The following GPR158 variants were observed in gnomAD, a reference collection of about 807,000 sequenced individuals.
GPR158 encodes metabotropic glycine receptor.
A neutral mutation model predicts 78.2 loss-of-function variants in GPR158; 30 were observed. The observed-to-expected ratio is 0.38, with a 90% CI of 0.29 to 0.52. The LOEUF is 0.52. Among genes scored for constraint, GPR158 ranks in the 20% least tolerant of loss-of-function variants. The pLI, the probability that GPR158 is intolerant of heterozygous loss-of-function variation, is 0.83. For missense variants in GPR158, 1,463 were observed against 1,523.5 expected (o/e 0.96, Z 0.66); for synonymous variants, 581 against 591.1 (o/e 0.98, Z 0.25).
At chr10:25,497,642 C>G (rs1039198243) in intron 5 of GPR158, among the ~76,000 whole-genome samples, 14 of 151,846 alleles carry the variant, frequency 9.2e-5, no homozygotes, top group African/African-American at 3.1e-4. Flanking sequence ...TTTCATTTAT[C>G]CATTCATGAG....
intron 2 of GPR158, among the ~76,000 whole-genome samples, chr10:25,295,585 T>C (rs1316765103): frequency 6.6e-6 from 1 of 152,076 alleles, no homozygotes; most frequent in Non-Finnish European, 1.5e-5. Context: ...GGCTAATTTT[T>C]TGTATTTTTA....
intron 3 of GPR158, among the ~76,000 whole-genome samples, chr10:25,396,492 T>G (rs1834364318): frequency 6.6e-6 from 1 of 152,130 alleles, no homozygotes; most frequent in Non-Finnish European, 1.5e-5. Context: ...AACTCAAGGT[T>G]TCACCACTCT....
At chr10:25,423,892 A>G (rs1834786420) in intron 4 of GPR158, among the ~76,000 whole-genome samples, 2 of 152,202 alleles carry the variant, frequency 1.3e-5, no homozygotes, top group Admixed American at 1.3e-4. Flanking sequence ...TCCTTTGGGT[A>G]TATACCCAGT....
intron 2 of GPR158, among the ~76,000 whole-genome samples, chr10:25,378,993 G>A (rs1025374993): frequency 2.0e-5 from 3 of 151,972 alleles, no homozygotes; most frequent in African/African-American, 4.8e-5. Context: ...GTCTCACCGT[G>A]TTGCCCAGGC....
chr10:25,269,394 G>T (rs1267007889), intron 2 of GPR158, among the ~76,000 whole-genome samples: 1 of 152,164 alleles, frequency 6.6e-6, no homozygotes, highest in Non-Finnish European at 1.5e-5. Flanking sequence ...ATGGTAAAAT[G>T]AATTTGAAAA....
intron 2 of GPR158, among the ~76,000 whole-genome samples, chr10:25,267,360 A>G (rs1168038051): frequency 6.6e-6 from 1 of 152,120 alleles, no homozygotes; most frequent in African/African-American, 2.4e-5. Flanking sequence ...ATCAGTGTCC[A>G]GTGAAGGGGA....
At chr10:25,382,830 T>A (rs1834173810) in intron 2 of GPR158, among the ~76,000 whole-genome samples, 1 of 151,984 alleles carries the variant, frequency 6.6e-6, no homozygotes, top group Admixed American at 6.6e-5. Context: ...TTTATTTTAT[T>A]TTTATTTATT....
chr10:25,280,009 A>T (rs1854246189), intron 2 of GPR158, among the ~76,000 whole-genome samples: 1 of 152,016 alleles, frequency 6.6e-6, no homozygotes, highest in Non-Finnish European at 1.5e-5. Context: ...TATGAATTAG[A>T]GGAGAAAAAT....
intron 6 of GPR158, among the ~76,000 whole-genome samples, chr10:25,554,994 CTATT>C (rs1836768644): frequency 7.0e-6 from 1 of 142,582 alleles, no homozygotes; most frequent in African/African-American, 2.6e-5. Flanking sequence ...AAAGCTGAAA[CTATT>C]TGAGAGAGAG....
intron 2 of GPR158, among the ~76,000 whole-genome samples, chr10:25,300,389 CT>C (rs796587651): frequency 3.7e-4 from 57 of 152,284 alleles, no homozygotes; most frequent in African/African-American, 1.2e-3. Context: ...TTCAAGAACA[CT>C]TGTGATTATA....
chr10:25,311,647 C>A lies in GPR158; in HGVS notation c.1009-84264C>A, dbSNP rs140115926. ...TCTAATGCTCGAATTCAGCATTTCT[C>A]ATACTTTTTGGTCTCAAGACTTCCT... On this transcript the variant is annotated intron_variant, in intron 2 of 10. Transcript: ENST00000376351. Among the ~76,000 whole-genome samples the A allele has an allele frequency of 2.9e-3, 446 of 152,076 alleles. 1 individual carries two copies. Among genetic ancestry groups the A allele is most frequent in the Non-Finnish European group, 4.1e-3 (279 of 67,862 alleles).
At chr10:25,340,667 C>A (rs1855289954) in intron 2 of GPR158, among the ~76,000 whole-genome samples, 1 of 151,886 alleles carries the variant, frequency 6.6e-6, no homozygotes, top group Non-Finnish European at 1.5e-5. Context: ...TCAGAAGAAA[C>A]TATTTACTAG....
intron 2 of GPR158, among the ~76,000 whole-genome samples, chr10:25,312,299 A>G (rs779442897): frequency 6.6e-5 from 10 of 152,088 alleles, no homozygotes; most frequent in Non-Finnish European, 1.5e-4. Context: ...TCACCGAGTT[A>G]TGTAGATATT....
At chr10:25,307,854 A>G (rs1353728483) in intron 2 of GPR158, among the ~76,000 whole-genome samples, 8 of 152,118 alleles carry the variant, frequency 5.3e-5, no homozygotes, top group South Asian at 4.1e-4. Flanking sequence ...CATTGTTCTA[A>G]ATAACCTTGT....
At chr10:25,496,141 T>C (rs1054159608) in intron 5 of GPR158, among the ~76,000 whole-genome samples, 2 of 152,206 alleles carry the variant, frequency 1.3e-5, no homozygotes, top group African/African-American at 4.8e-5. Flanking sequence ...TAATGTCCTC[T>C]ATTACACTTG....
chr10:25,381,471 TTAA>T (rs1427557331), intron 2 of GPR158, among the ~76,000 whole-genome samples: 2 of 152,108 alleles, frequency 1.3e-5, no homozygotes, highest in South Asian at 2.1e-4. Context: ...TTGTGCACAG[TTAA>T]TAATGAGGAA....
intron 2 of GPR158, among the ~76,000 whole-genome samples, chr10:25,289,812 A>G (rs1246642103): frequency 6.6e-6 from 1 of 152,238 alleles, no homozygotes; most frequent in Non-Finnish European, 1.5e-5. Flanking sequence ...CAATGTATCA[A>G]GGGATTATGA....
intron 5 of GPR158, among the ~76,000 whole-genome samples, chr10:25,501,892 G>A (rs368864792): frequency 2.6e-5 from 4 of 152,030 alleles, no homozygotes; most frequent in African/African-American, 7.2e-5. Context: ...CCAGTCCCTC[G>A]TCTCCCTTTC....
At chr10:25,208,684 A>G (rs1853084360) in intron 1 of GPR158, among the ~76,000 whole-genome samples, 1 of 151,680 alleles carries the variant, frequency 6.6e-6, no homozygotes, top group Admixed American at 6.6e-5. Flanking sequence ...ACATCTCGAC[A>G]TTTCCCGACC....
Sources: gnomAD v4.1 joint callset for allele counts (sites outside exome capture counted in the v4.1 genomes callset) on GRCh38, gnomAD v4.1.1 for gene constraint, MANE v1.5 for transcripts, NCBI Gene and HGNC (gene_info 2026-07-23, HGNC 2026-07-21) for gene names.